Variants in XG observed in about 807,000 individuals in gnomAD.
The protein encoded by XG is Xg glycoprotein (Xg blood group), also known as glycoprotein Xg.
XG carries 24 observed loss-of-function variants against 25.7 expected under a neutral mutation model. The observed-to-expected ratio is 0.93, with a 90% CI of 0.68 to 1.31. The LOEUF is 1.31. Among genes scored for constraint, XG ranks in the 40% most tolerant of loss-of-function variants. XG has a pLI of 0.00. For missense variants in XG, 181 were observed against 187.6 expected, an observed-to-expected ratio of 0.96 and a Z score of 0.21; for synonymous variants, 77 against 69.2, an observed-to-expected ratio of 1.11 and a Z score of -0.56.
intron 2 of XG, 67 bp downstream of exon 2, chrX:2,770,658 G>C: frequency 6.3e-7 from 1 of 1,588,966 alleles, no homozygotes; most frequent in Non-Finnish European, 8.6e-7. Flanking sequence ...CAGCTGTATA[G>C]TTACTTTGGG....
chrX:2,802,374 C>T (rs769561479), intron 7 of XG, among the ~76,000 whole-genome samples: 66 of 110,852 alleles, frequency 6.0e-4, no homozygotes, highest in African/African-American at 2.2e-3. Flanking sequence ...TCAGGCTGGT[C>T]TTCAACTCCT....
At chrX:2,792,469 G>C (rs1210940488) in intron 5 of XG, among the ~76,000 whole-genome samples, 2 of 108,633 alleles carry the variant, frequency 1.8e-5, no homozygotes, top group African/African-American at 6.7e-5. Flanking sequence ...TGAATAGCTG[G>C]GACTACAGAC....
chrX:2,765,769 A>G (rs311137), intron 1 of XG, among the ~76,000 whole-genome samples: 73,980 of 152,092 alleles, frequency 0.49, 19,614 homozygotes, highest in African/African-American at 0.72. Context: ...GGCAGCTAAT[A>G]TTCAGTGGGC....
At chrX:2,759,334 G>A (rs773108233) in intron 1 of XG, among the ~76,000 whole-genome samples, 23 of 152,322 alleles carry the variant, frequency 1.5e-4, no homozygotes, top group African/African-American at 5.1e-4. Context: ...CTAACCCTGC[G>A]AAAGGGGACA....
chrX:2,778,265 G>T (rs1488312936), intron 3 of XG, among the ~76,000 whole-genome samples: 1 of 152,192 alleles, frequency 6.6e-6, no homozygotes, highest in Non-Finnish European at 1.5e-5. Flanking sequence ...ATGTGGAGCT[G>T]GGCGTGGTGG....
At chrX:2,780,425 T>C (rs867925314) in intron 3 of XG, among the ~76,000 whole-genome samples, 1 of 126,664 alleles carries the variant, frequency 7.9e-6, no homozygotes, top group African/African-American at 3.1e-5. Flanking sequence ...TTTTTTTTTC[T>C]AAAAAAAAAA....
At chrX:2,759,299 G>A (rs868330890) in intron 1 of XG, among the ~76,000 whole-genome samples, 140 of 152,340 alleles carry the variant, frequency 9.2e-4, no homozygotes, top group Middle Eastern at 3.4e-3. Flanking sequence ...TGCTGTAGTG[G>A]AGAACCTGCT....
intron 1 of XG, among the ~76,000 whole-genome samples, chrX:2,757,971 C>CAAAAAA (rs59540338): frequency 6.8e-5 from 6 of 88,638 alleles, no homozygotes; most frequent in Admixed American, 1.4e-4. Flanking sequence ...GACTCCATCT[C>CAAAAAA]AAAAAAAAAA....
intron 3 of XG, among the ~76,000 whole-genome samples, chrX:2,781,735 G>A (rs1465255970): frequency 8.9e-6 from 1 of 111,995 alleles, no homozygotes; most frequent in Non-Finnish European, 1.9e-5. Flanking sequence ...CTGGACTGTC[G>A]GTAAATTTAT....
chrX:2,812,188 G>A (rs1352981120), intron 10 of XG, among the ~76,000 whole-genome samples: 1 of 111,050 alleles, frequency 9.0e-6, no homozygotes, highest in Non-Finnish European at 1.9e-5. Flanking sequence ...GAAAACTACC[G>A]AAACACTGAA....
intron 1 of XG, among the ~76,000 whole-genome samples, chrX:2,763,087 C>T (rs1411902767): frequency 6.6e-6 from 1 of 152,160 alleles, no homozygotes; most frequent in African/African-American, 2.4e-5. Flanking sequence ...AATCTTGGCT[C>T]AGTGCAACCT....
intron 4 of XG, among the ~76,000 whole-genome samples, chrX:2,782,754 C>A (rs2086743462): frequency 9.0e-6 from 1 of 111,512 alleles, no homozygotes; most frequent in Non-Finnish European, 1.9e-5. Flanking sequence ...TGATGTTACC[C>A]CCAGGAGAAA....
intron 3 of XG, chrX:2,775,143 G>C: frequency 4.8e-6 from 1 of 207,690 alleles, no homozygotes; most frequent in Non-Finnish European, 9.8e-6. Flanking sequence ...CAAAATAATT[G>C]AAAACACGGG....
At chrX:2,758,688 C>T (rs2050490303) in intron 1 of XG, among the ~76,000 whole-genome samples, 1 of 152,210 alleles carries the variant, frequency 6.6e-6, no homozygotes, top group Non-Finnish European at 1.5e-5. Flanking sequence ...ATGCTGCTGG[C>T]ATCTAGTGGG....
At position 2,815,509 on chromosome X, in the gene XG, A is replaced by AGGTTGAAAGTGGAAAGC. The variant is rs1397498814; in HGVS notation, c.*1130_*1146dup. 1.8e-5 allele frequency: 2 copies of AGGTTGAAAGTGGAAAGC among 111,835 alleles called. No homozygotes were observed. Among genetic ancestry groups the AGGTTGAAAGTGGAAAGC allele is most frequent in the African/African-American group, 6.5e-5 (2 of 30,768 alleles). The allele number at this position is 111,835 out of a possible 1,213,427, so 9.2% of individuals were successfully genotyped here. ...ATGAATTGGGGTCTTCAAAGAGAGA[A>AGGTTGAAAGTGGAAAGC]GGTTGAAAGTGGAAAGCACTTGAAA... On this transcript the variant is annotated 3_prime_UTR_variant, in exon 11 of 11. Coordinates refer to ENST00000644266, the MANE Select transcript of XG (RefSeq NM_001141919.2).
At chrX:2,801,717 A>ATT (rs200654423) in intron 7 of XG, among the ~76,000 whole-genome samples, 1 of 107,597 alleles carries the variant, frequency 9.3e-6, no homozygotes, top group Non-Finnish European at 1.9e-5. Context: ...TTTATTTTTT[A>ATT]TTTTTTTTTG....
rs577625271 is a variant in XG, at chrX:2,782,280, A to G, written c.190+152A>G. 2,698 of 621,973 alleles carry G rather than the reference A, an allele frequency of 4.3e-3. 10 individuals carry two copies. The highest frequency in any genetic ancestry group is 8.1e-3 in the South Asian group (290 of 35,587). The allele number at this position is 621,973 out of a possible 1,213,427, so 51.3% of individuals were successfully genotyped here. A position where few individuals can be genotyped will look rare whatever the true frequency, so the allele number is the denominator to read the frequency against. On this transcript the variant is annotated intron_variant, in intron 4 of 10. Coordinates refer to ENST00000644266, the MANE Select transcript of XG (RefSeq NM_001141919.2). ...AGTTTCTTTCCTCACTGGGGGGAGC[A>G]AGAAAGTCCAACGGACAGAAACAAT...
intron 5 of XG, among the ~76,000 whole-genome samples, chrX:2,790,015 C>T (rs1028231038): frequency 8.1e-5 from 9 of 110,430 alleles, no homozygotes; most frequent in Non-Finnish European, 1.3e-4. Flanking sequence ...ACCTACATTG[C>T]ACCACCTATA....
intron 1 of XG, among the ~76,000 whole-genome samples, chrX:2,768,476 C>T (rs900732218): frequency 1.1e-4 from 16 of 152,116 alleles, no homozygotes; most frequent in South Asian, 2.1e-4. Context: ...TGATCAAGAG[C>T]GCTGGAGGAG....
Sources: gnomAD v4.1 joint callset for allele counts (sites outside exome capture counted in the v4.1 genomes callset) on GRCh38, gnomAD v4.1.1 for gene constraint, MANE v1.5 for transcripts, NCBI Gene and HGNC (gene_info 2026-07-23, HGNC 2026-07-21) for gene names.